Variants in PFDN1 observed in about 807,000 individuals in gnomAD.
PFDN1 encodes the protein prefoldin subunit 1, also known as prefoldin 1.
A neutral mutation model predicts 17.3 loss-of-function variants in PFDN1; 6 were observed. The ratio of observed to expected loss-of-function variants is 0.35; its 90% CI spans 0.19 to 0.69. The LOEUF is 0.69. PFDN1 is among the 30% of genes least tolerant of loss of function. The pLI is 0.65. For synonymous variants in PFDN1, 58 were observed against 50.1 expected (o/e 1.16, Z -0.67); for missense variants, 113 against 146.2 (o/e 0.77, Z 1.17).
intron 3 of PFDN1, chr5:140,273,869 T>C (rs968461427): frequency 1.0e-6 from 1 of 982,060 alleles, no homozygotes; most frequent in Non-Finnish European, 1.2e-6. Context: ...TGTATATGCA[T>C]GTGCCTAAAA....
intron 3 of PFDN1, among the ~76,000 whole-genome samples, chr5:140,270,064 T>C (rs1483166050): frequency 6.6e-6 from 1 of 152,218 alleles, no homozygotes; most frequent in Non-Finnish European, 1.5e-5. Context: ...TTGCTTTTTA[T>C]GGCTAGTATC....
chr5:140,260,086 CCAG>C (rs1358979368), intron 3 of PFDN1, among the ~76,000 whole-genome samples: 4 of 151,996 alleles, frequency 2.6e-5, no homozygotes, highest in Non-Finnish European at 5.9e-5. Context: ...ACCTGTAATC[CCAG>C]CACTTTGGAA....
intron 3 of PFDN1, among the ~76,000 whole-genome samples, chr5:140,264,704 G>A (rs906577885): frequency 6.6e-6 from 1 of 151,946 alleles, no homozygotes; most frequent in African/African-American, 2.4e-5. Flanking sequence ...AATTATCTGA[G>A]CATGGTAGCC....
At chr5:140,302,430 A>G (rs1274245053) in intron 1 of PFDN1, among the ~76,000 whole-genome samples, 1 of 152,160 alleles carries the variant, frequency 6.6e-6, no homozygotes, top group Non-Finnish European at 1.5e-5. Flanking sequence ...GGAAAACTTT[A>G]CTGGTTTTGT....
chr5:140,301,802 A>C (rs2126704880), intron 1 of PFDN1, among the ~76,000 whole-genome samples: 1 of 152,362 alleles, frequency 6.6e-6, no homozygotes, highest in South Asian at 2.1e-4. Context: ...CTTTTAACAG[A>C]AGAAAAGGTA....
At chr5:140,251,165 G>A (rs1251774014) in intron 3 of PFDN1, among the ~76,000 whole-genome samples, 1 of 151,936 alleles carries the variant, frequency 6.6e-6, no homozygotes, top group East Asian at 1.9e-4. Flanking sequence ...CGAACTCCTG[G>A]CCTCAAATGA....
At chr5:140,258,567 T>C (rs1290768529) in intron 3 of PFDN1, among the ~76,000 whole-genome samples, 1 of 151,648 alleles carries the variant, frequency 6.6e-6, no homozygotes, top group Non-Finnish European at 1.5e-5. Context: ...GTGGTGACAA[T>C]GGAGATGAAG....
At chr5:140,272,919 T>C (rs1765230805) in intron 3 of PFDN1, among the ~76,000 whole-genome samples, 1 of 152,242 alleles carries the variant, frequency 6.6e-6, no homozygotes, top group Non-Finnish European at 1.5e-5. Flanking sequence ...TTTAATGGAT[T>C]ATAAACTTAG....
chr5:140,247,306 T>G (rs545922445), intron 3 of PFDN1, among the ~76,000 whole-genome samples: 6 of 151,734 alleles, frequency 4.0e-5, no homozygotes, highest in Non-Finnish European at 7.4e-5. Context: ...TTTTTTTTTT[T>G]GTAGAAATGA....
intron 3 of PFDN1, among the ~76,000 whole-genome samples, chr5:140,271,628 G>C (rs947643786): frequency 1.3e-5 from 2 of 151,984 alleles, no homozygotes; most frequent in African/African-American, 4.8e-5. Flanking sequence ...AGTGTGGGTG[G>C]AGGGTGGTTT....
intron 1 of PFDN1, among the ~76,000 whole-genome samples, chr5:140,301,198 C>G (rs753921246): frequency 2.4e-4 from 36 of 152,246 alleles, no homozygotes; most frequent in Non-Finnish European, 4.6e-4. Context: ...CTTCTAACCC[C>G]TTAGTTCAGC....
At chr5:140,251,371 C>T (rs1764910484) in intron 3 of PFDN1, among the ~76,000 whole-genome samples, 1 of 152,186 alleles carries the variant, frequency 6.6e-6, no homozygotes, top group African/African-American at 2.4e-5. Flanking sequence ...TCTGGCCTTG[C>T]TTCCACAAAC....
Position 140,245,583 on chromosome 5 carries a change from CCT to C in PFDN1, c.*389_*390del. 2.8e-6 allele frequency: 2 copies of C among 702,304 alleles called. No homozygotes were observed. 43.5% of individuals were successfully genotyped at this position (702,304 alleles called of 1,614,324 possible). A position where few individuals can be genotyped will look rare whatever the true frequency, so the allele number is the denominator to read the frequency against. On this transcript the variant is annotated 3_prime_UTR_variant, in exon 4 of 4. Coordinates refer to ENST00000261813, the MANE Select transcript of PFDN1 (RefSeq NM_002622.5). ...GGAGCTGAGGTGGAGACGGCCACTG[CCT>C]CTCTCACCCTCTGTTCCATCCCTCT...
intron 2 of PFDN1, 52 bp from the exon 3 acceptor site, chr5:140,281,585 C>T (rs750636628): frequency 3.5e-6 from 3 of 858,950 alleles, no homozygotes; most frequent in South Asian, 1.4e-5. Flanking sequence ...TTGAATTCAT[C>T]GAAATCAATA....
intron 3 of PFDN1, among the ~76,000 whole-genome samples, chr5:140,266,715 T>C (rs905633027): frequency 1.3e-5 from 2 of 152,228 alleles, no homozygotes; most frequent in African/African-American, 2.4e-5. Context: ...ACCTAAAAAT[T>C]TGCTCCTAGT....
rs530104725 is a variant in PFDN1, at chr5:140,303,084, T to A, written c.-11A>T. 1.2e-6 allele frequency: 2 copies of A among 1,607,410 alleles called. No individual in the cohort carries two copies. The highest frequency in any genetic ancestry group is 1.7e-6 in the Non-Finnish European group (2 of 1,173,802). On this transcript the variant is annotated 5_prime_UTR_variant, in exon 1 of 4. Transcript: ENST00000261813. ...CACGGGGGCGGCCATCTTGGTGCACTGTAAGCGCCTGCGCAGTGGGAGTTG... is the reference window on the plus strand; with the variant it reads ...CACGGGGGCGGCCATCTTGGTGCACAGTAAGCGCCTGCGCAGTGGGAGTTG...
chr5:140,261,093 CG>C (rs1765058297), intron 3 of PFDN1, among the ~76,000 whole-genome samples: 1 of 134,952 alleles, frequency 7.4e-6, no homozygotes, highest in Non-Finnish European at 1.5e-5. Context: ...ACTCAGGAGG[CG>C]GAAGTTACAA....
Position 140,245,181 on chromosome 5 carries a change from A to G in PFDN1, c.*793T>C, listed in dbSNP as rs1764809076. Reference sequence around the variant, plus strand: ...TTGCAACAAAATTCTTGAAAATTGAATAATTGGCCCACCTGGGCTGGGATG... The same window carrying G: ...TTGCAACAAAATTCTTGAAAATTGAGTAATTGGCCCACCTGGGCTGGGATG... On this transcript the variant is annotated 3_prime_UTR_variant, in exon 4 of 4. Coordinates refer to ENST00000261813, the MANE Select transcript of PFDN1 (RefSeq NM_002622.5). The G allele has an allele frequency of 3.3e-6, 1 of 302,648 alleles. No homozygotes were observed. Among genetic ancestry groups the G allele is most frequent in the Non-Finnish European group, 6.1e-6 (1 of 164,050 alleles). The allele number at this position is 302,648 out of a possible 1,614,324, so 18.7% of individuals were successfully genotyped here.
intron 2 of PFDN1, among the ~76,000 whole-genome samples, chr5:140,290,976 A>C (rs1268237222): frequency 6.6e-6 from 1 of 152,318 alleles, no homozygotes; most frequent in Admixed American, 6.5e-5. Context: ...TTAGGTGTAT[A>C]CTTTTAAATA....
Sources: allele counts gnomAD v4.1 joint callset (sites outside exome capture counted in the v4.1 genomes callset), GRCh38; gene constraint gnomAD v4.1.1; transcripts MANE v1.5; gene names NCBI Gene and HGNC (gene_info 2026-07-23, HGNC 2026-07-21).